Variants in CFAP20DC observed in about 807,000 individuals in gnomAD.
The protein encoded by CFAP20DC is protein CFAP20DC.
CFAP20DC carries 84 observed loss-of-function variants against 101.7 expected under a neutral mutation model. That is an observed-to-expected ratio of 0.83 (90% CI 0.69 to 0.99). The LOEUF is 0.99. CFAP20DC is among the 50% of genes least tolerant of loss of function. The pLI, the probability that CFAP20DC is intolerant of heterozygous loss-of-function variation, is 0.00. For missense variants in CFAP20DC, 1,007 were observed against 970.3 expected (o/e 1.04, Z -0.50); for synonymous variants, 359 against 351.2 (o/e 1.02, Z -0.25).
At chr3:58,936,794 G>A (rs921525914) in intron 5 of CFAP20DC, among the ~76,000 whole-genome samples, 3 of 152,046 alleles carry the variant, frequency 2.0e-5, no homozygotes, top group African/African-American at 7.2e-5. Flanking sequence ...GGACGGGGAG[G>A]GATAGCTTTA....
At chr3:58,764,494 G>A (rs1029892170) in intron 15 of CFAP20DC, among the ~76,000 whole-genome samples, 3 of 152,144 alleles carry the variant, frequency 2.0e-5, no homozygotes, top group South Asian at 2.1e-4. Context: ...CAGGTGAGGC[G>A]ATGCCTCGCC....
At chr3:58,759,876 T>A in intron 15 of CFAP20DC, among the ~76,000 whole-genome samples, 1 of 152,210 alleles carries the variant, frequency 6.6e-6, no homozygotes, top group African/African-American at 2.4e-5. Context: ...AGGGCTCTGT[T>A]CTGTTCCATT....
intron 4 of CFAP20DC, among the ~76,000 whole-genome samples, chr3:59,028,137 T>C (rs2093925516): frequency 6.6e-6 from 1 of 152,198 alleles, no homozygotes; most frequent in Admixed American, 6.5e-5. Flanking sequence ...TGTGCTTAGA[T>C]AATTGCTGGT....
chr3:59,044,105 A>C (rs1699650091), intron 3 of CFAP20DC, among the ~76,000 whole-genome samples: 1 of 152,208 alleles, frequency 6.6e-6, no homozygotes, highest in African/African-American at 2.4e-5. Flanking sequence ...TAATTTCATT[A>C]CTAAACTTTC....
intron 14 of CFAP20DC, among the ~76,000 whole-genome samples, 156 bp from the exon 15 acceptor site, chr3:58,806,612 T>C (rs1037889097): frequency 6.6e-6 from 1 of 152,088 alleles, no homozygotes; most frequent in African/African-American, 2.4e-5. Flanking sequence ...TAGGAACAGC[T>C]CCAGTGTACA....
chr3:58,931,276 A>C (rs2086637192), intron 5 of CFAP20DC, among the ~76,000 whole-genome samples: 1 of 152,178 alleles, frequency 6.6e-6, no homozygotes, highest in South Asian at 2.1e-4. Flanking sequence ...AGGAAGCTCG[A>C]ACTGGGTGGA....
rs147689957 is a variant in CFAP20DC at position 58,932,988 on chromosome 3, A to G, written c.393+4660T>C. On this transcript the variant is annotated intron_variant, in intron 5 of 16. Transcript: ENST00000482387. ...AAAAACACAGACTGGCAAATTGGAT[A>G]GAGACAAGACCCATCAGTGTGCTAT... Among the ~76,000 whole-genome samples the G allele has an allele frequency of 9.5e-3, 1,451 of 152,310 alleles. 25 individuals carry two copies. The highest frequency in any genetic ancestry group is 0.033 in the African/African-American group (1,364 of 41,562).
chr3:58,957,490 C>G (rs1373661387), intron 4 of CFAP20DC, among the ~76,000 whole-genome samples: 1 of 152,180 alleles, frequency 6.6e-6, no homozygotes, highest in Non-Finnish European at 1.5e-5. Flanking sequence ...ATCCAGCAAT[C>G]TCACCACTGG....
intron 15 of CFAP20DC, among the ~76,000 whole-genome samples, chr3:58,792,924 G>T (rs1458767972): frequency 2.0e-5 from 3 of 152,060 alleles, no homozygotes; most frequent in Non-Finnish European, 4.4e-5. Flanking sequence ...TATTACAAAT[G>T]CTAGTTTAGA....
At chr3:59,031,825 T>C (rs1045495167) in intron 4 of CFAP20DC, among the ~76,000 whole-genome samples, 2 of 152,222 alleles carry the variant, frequency 1.3e-5, no homozygotes, top group African/African-American at 4.8e-5. Flanking sequence ...TCTCATTTTA[T>C]TAAGAAAGCT....
At chr3:59,031,138 A>T (rs1321083144) in intron 4 of CFAP20DC, among the ~76,000 whole-genome samples, 1 of 152,112 alleles carries the variant, frequency 6.6e-6, no homozygotes, top group East Asian at 1.9e-4. Flanking sequence ...AAGTTTTTTT[A>T]AATTAGTTAA....
At chr3:58,809,004 A>C (rs1308771882) in intron 14 of CFAP20DC, among the ~76,000 whole-genome samples, 1 of 152,022 alleles carries the variant, frequency 6.6e-6, no homozygotes, top group African/African-American at 2.4e-5. Flanking sequence ...GAATTCAACA[A>C]GAAGAGCTAA....
chr3:58,844,767 G>C (rs2077469810), intron 13 of CFAP20DC, among the ~76,000 whole-genome samples: 1 of 134,300 alleles, frequency 7.4e-6, no homozygotes, highest in Non-Finnish European at 1.5e-5. Context: ...GGGAAGTAAA[G>C]CTCTCCTCAG....
At chr3:58,973,138 A>C (rs2092050190) in intron 4 of CFAP20DC, among the ~76,000 whole-genome samples, 1 of 152,124 alleles carries the variant, frequency 6.6e-6, no homozygotes, top group Admixed American at 6.6e-5. Flanking sequence ...CCGAGTTTTA[A>C]ATGTTTTTTA....
At chr3:58,935,735 A>C (rs2087476058) in intron 5 of CFAP20DC, among the ~76,000 whole-genome samples, 1 of 152,220 alleles carries the variant, frequency 6.6e-6, no homozygotes, top group African/African-American at 2.4e-5. Context: ...GAAAGCTGAA[A>C]CTGGATCCCT....
intron 15 of CFAP20DC, among the ~76,000 whole-genome samples, chr3:58,774,218 A>G (rs1425677911): frequency 2.6e-5 from 4 of 152,188 alleles, no homozygotes; most frequent in East Asian, 1.9e-4. Context: ...GCTGTAATCA[A>G]TTTAATCAAC....
chr3:58,832,396 T>A (rs892986876), intron 13 of CFAP20DC, among the ~76,000 whole-genome samples: 1 of 152,216 alleles, frequency 6.6e-6, no homozygotes, highest in Admixed American at 6.5e-5. Flanking sequence ...CTGCCTTTCC[T>A]AGGTCTGGTG....
chr3:58,913,691 T>C lies in CFAP20DC; in HGVS notation c.550+17A>G, dbSNP rs2107406471. ...ACATCAGAGAATTAAAAAATCTTGATAGCAACCTGAACATACCATCCTTAT... is the reference window on the plus strand; with the variant it reads ...ACATCAGAGAATTAAAAAATCTTGACAGCAACCTGAACATACCATCCTTAT... On this transcript the variant is annotated intron_variant, in intron 6 of 16. Transcript: ENST00000482387. This position sits in a 1 kb window ranked among gnomAD's most constrained non-coding sequence, Gnocchi z 4.4. 1.9e-6 allele frequency: 3 copies of C among 1,612,972 alleles called. No individual in the cohort carries two copies. The African/African-American group carries it at 4.0e-5, about 22-fold the overall frequency.
chr3:58,778,927 C>T (rs930013126), intron 15 of CFAP20DC, among the ~76,000 whole-genome samples: 4 of 152,134 alleles, frequency 2.6e-5, no homozygotes, highest in Non-Finnish European at 5.9e-5. Context: ...GCCAAGTGTC[C>T]CACCCAACCA....
Sources: allele counts gnomAD v4.1 joint callset (sites outside exome capture counted in the v4.1 genomes callset), GRCh38; gene constraint gnomAD v4.1.1; non-coding constraint Gnocchi (gnomAD v3.1); transcripts MANE v1.5; gene names NCBI Gene and HGNC (gene_info 2026-07-23, HGNC 2026-07-21).